Variants in ANKFY1 observed in about 807,000 individuals in gnomAD.
The protein encoded by ANKFY1 is ankyrin repeat and FYVE domain-containing protein 1.
A neutral mutation model predicts 128.3 loss-of-function variants in ANKFY1; 47 were observed. The observed-to-expected ratio is 0.37, with a 90% CI of 0.29 to 0.47. ANKFY1 has a LOEUF of 0.47. Ranked by LOEUF, ANKFY1 falls within the 20% of genes least tolerant of loss-of-function variation. The probability of loss-of-function intolerance (pLI) is 1.00; values close to 1 mark genes in which losing one functional copy is unlikely to be tolerated. For missense variants in ANKFY1, 1,222 were observed against 1,510.6 expected, an observed-to-expected ratio of 0.81 and a Z score of 3.17; for synonymous variants, 553 against 601.6, an observed-to-expected ratio of 0.92 and a Z score of 1.18.
At chr17:4,199,647 T>C (rs1361728448) in intron 7 of ANKFY1, among the ~76,000 whole-genome samples, 2 of 152,236 alleles carry the variant, frequency 1.3e-5, no homozygotes, top group Admixed American at 6.5e-5. Context: ...CAGACACTAG[T>C]AAAGAGAAAT....
At chr17:4,233,405 G>T (rs1469849105) in intron 3 of ANKFY1, among the ~76,000 whole-genome samples, 3 of 151,382 alleles carry the variant, frequency 2.0e-5, no homozygotes, top group African/African-American at 7.3e-5. Flanking sequence ...TTTCGATCAC[G>T]TGGACTGGTA....
intron 6 of ANKFY1, among the ~76,000 whole-genome samples, chr17:4,207,602 T>C (rs1024066439): frequency 6.6e-6 from 1 of 152,170 alleles, no homozygotes; most frequent in Non-Finnish European, 1.5e-5. Context: ...TTGTGTTGTT[T>C]TAAGCCATTA....
At chr17:4,194,956 C>G (rs2059789724) in intron 10 of ANKFY1, 22 bp downstream of exon 10, 1 of 1,613,998 alleles carries the variant, frequency 6.2e-7, no homozygotes, top group African/African-American at 1.3e-5. Context: ...AGCGTCGCCC[C>G]TTCGGGAGGC....
In ANKFY1 at chr17:4,207,937, G is replaced by A. The variant is rs749302631; in HGVS notation, c.728C>T (p.Ser243Phe). ...VVFLYLIEMD[S>F]QLPGKLNEAD... is the part of the protein sequence containing the mutation. Reference sequence around the variant, plus strand: ...TGGAAAAGGCAGCTACAGTACCTGGGAATCCATTTCAATCAGATACAGGAA... The same window carrying A: ...TGGAAAAGGCAGCTACAGTACCTGGAAATCCATTTCAATCAGATACAGGAA... The change falls in exon 6 of 25, where the codon TCC (serine) becomes TTC (phenylalanine). Residue 243 changes from serine (S) to phenylalanine (F), a missense_variant. By Grantham distance (155) the Ser-to-Phe change is radical (BLOSUM62 -2). Coordinates refer to ENST00000341657, the MANE Select transcript of ANKFY1 (RefSeq NM_001330063.2). 5 of 1,590,148 alleles carry A rather than the reference G, an allele frequency of 3.1e-6. No individual in the cohort carries two copies. The Admixed American group carries it at 7.3e-5, about 23-fold the overall frequency.
At position 4,184,898 on chromosome 17, in the gene ANKFY1, C is replaced by T. The variant is rs1211991995; in HGVS notation, c.1619G>A (p.Ser540Asn). 7 of 1,614,106 alleles carry T rather than the reference C, an allele frequency of 4.3e-6. No individual in the cohort carries two copies. The highest frequency in any genetic ancestry group is 5.1e-6 in the Non-Finnish European group (6 of 1,180,044). ...GTGCAGTGGCGTCTGCAGATGGACG[C>T]TGTCCGCCAAGCTGGTCAGGGATGC... ...EAASLTSLAD[S>N]VHLQTPLHMA... The change falls in exon 12 of 25, where the codon AGC becomes AAC. Residue 540 changes from serine to asparagine, a missense_variant. Physicochemically the swap from Ser to Asn is conservative, Grantham distance 46 (BLOSUM62 1). Coordinates refer to ENST00000341657, the MANE Select transcript of ANKFY1 (RefSeq NM_001330063.2).
intron 10 of ANKFY1, among the ~76,000 whole-genome samples, chr17:4,193,714 AC>A (rs1162181913): frequency 6.6e-6 from 1 of 151,204 alleles, no homozygotes; most frequent in Non-Finnish European, 1.5e-5. Flanking sequence ...GGCGTGAGCC[AC>A]TGCGCCTGGC....
At chr17:4,238,715 C>T (rs1428597488) in intron 2 of ANKFY1, among the ~76,000 whole-genome samples, 1 of 151,912 alleles carries the variant, frequency 6.6e-6, no homozygotes, top group Non-Finnish European at 1.5e-5. Flanking sequence ...CCGCCCAACT[C>T]AACCTCTCAA....
chr17:4,235,686 C>T (rs944861098), intron 3 of ANKFY1, 86 bp downstream of exon 3: 13 of 914,226 alleles, frequency 1.4e-5, no homozygotes, highest in Non-Finnish European at 2.3e-5. Flanking sequence ...CATTAAATCA[C>T]AAATATTTCA....
chr17:4,254,000 T>C (rs1044819577), intron 1 of ANKFY1, among the ~76,000 whole-genome samples: 1 of 152,124 alleles, frequency 6.6e-6, no homozygotes, highest in Non-Finnish European at 1.5e-5. Flanking sequence ...TAACTGTTCA[T>C]GTATCCTTGT....
At chr17:4,221,675 G>C (rs900806912) in intron 3 of ANKFY1, among the ~76,000 whole-genome samples, 2 of 152,156 alleles carry the variant, frequency 1.3e-5, no homozygotes, top group African/African-American at 4.8e-5. Flanking sequence ...CTGCAGTGCA[G>C]TGGCACATTC....
chr17:4,177,463 A>G (rs1290602033), intron 18 of ANKFY1, among the ~76,000 whole-genome samples, 161 bp from the exon 19 acceptor site: 1 of 151,908 alleles, frequency 6.6e-6, no homozygotes, highest in Non-Finnish European at 1.5e-5. Flanking sequence ...CCATCCCCCA[A>G]CCCACCCACA....
intron 3 of ANKFY1, chr17:4,222,116 G>A (rs1212994383): frequency 6.7e-6 from 1 of 149,900 alleles, no homozygotes; most frequent in Non-Finnish European, 1.5e-5. Context: ...GGTGCGGCGG[G>A]CGGCCAGGCG....
rs374912577 is a variant in ANKFY1, at chr17:4,191,568, T to C, written c.1373-2089A>G. 1.1e-4 allele frequency among the ~76,000 whole-genome samples: 17 copies of C among 151,040 alleles called. No homozygotes were observed. The East Asian group carries it at 2.6e-3, about 23-fold the overall frequency. On this transcript the variant is annotated intron_variant, in intron 10 of 24. Transcript: ENST00000341657. ...TAATCTGGAGACTCCTAGTTGATGG[T>C]TGCTCTAATCTGGAGACTCCTAGTT... is the stretch of plus-strand genomic sequence containing the variant.
In ANKFY1 at chr17:4,197,506, C is replaced by G. The variant is rs373775975; in HGVS notation, c.970G>C (p.Glu324Gln). ...AAGGCCACAAGGTGCAGTGGTGTCT[C>G]CTGGGCACCCAGTGTAGCAGCGTTG... is the stretch of plus-strand genomic sequence containing the variant. The part of the protein sequence containing the change: ...FVNAATLGAQ[E>Q]TPLHLVALYS... Residue 324 changes from glutamate to glutamine, a missense_variant, in exon 8 of 25, where the codon GAG (glutamate) becomes CAG (glutamine). Transcript: ENST00000341657. The G allele has an allele frequency of 5.6e-6, 9 of 1,614,186 alleles. No homozygotes were observed. The highest frequency in any genetic ancestry group is 4.5e-5 in the East Asian group (2 of 44,882).
chr17:4,217,167 T>C, intron 3 of ANKFY1, 49 bp from the exon 4 acceptor site: 1 of 1,591,846 alleles, frequency 6.3e-7, no homozygotes, highest in South Asian at 1.1e-5. Flanking sequence ...ATGACATGCT[T>C]AGACTTTCTC....
At chr17:4,193,058 A>G (rs1257815174) in intron 10 of ANKFY1, among the ~76,000 whole-genome samples, 1 of 152,220 alleles carries the variant, frequency 6.6e-6, no homozygotes, top group African/African-American at 2.4e-5. Context: ...AAATTTTAAT[A>G]TACCTCTCAG....
At chr17:4,197,958 C>A (rs998416896) in intron 7 of ANKFY1, among the ~76,000 whole-genome samples, 1 of 151,030 alleles carries the variant, frequency 6.6e-6, no homozygotes, top group Non-Finnish European at 1.5e-5. Context: ...GGAAAAACCC[C>A]GTCTCTACTA....
chr17:4,216,767 C>T, intron 4 of ANKFY1: 1 of 602,990 alleles, frequency 1.7e-6, no homozygotes, highest in Non-Finnish European at 3.0e-6. Context: ...AGGTAACAGA[C>T]CAGTGAAAGA....
At position 4,222,700 on chromosome 17, in the gene ANKFY1, C is replaced by T. The variant is rs1189169364; in HGVS notation, c.323-5582G>A. On this transcript the variant is annotated intron_variant, in intron 3 of 24. Transcript: ENST00000341657. Reference sequence around the variant, plus strand: ...TGACACGCAGCTCCAACCACTTCTACGCGTGTTTTATATTAGGGTAGGGTT... The same window carrying T: ...TGACACGCAGCTCCAACCACTTCTATGCGTGTTTTATATTAGGGTAGGGTT... 2.0e-5 allele frequency: 17 copies of T among 864,296 alleles called. No individual in the cohort carries two copies. The East Asian group carries it at 2.2e-4, about 11-fold the overall frequency. 53.5% of individuals were successfully genotyped at this position (864,296 alleles called of 1,614,324 possible). A position where few individuals can be genotyped will look rare whatever the true frequency, so the allele number is the denominator to read the frequency against.
Sources: gnomAD v4.1 joint callset for allele counts (sites outside exome capture counted in the v4.1 genomes callset) on GRCh38, gnomAD v4.1.1 for gene constraint, MANE v1.5 for transcripts, NCBI Gene and HGNC (gene_info 2026-07-23, HGNC 2026-07-21) for gene names.